MAPK6: variants seen among roughly 807,000 people sequenced by gnomAD.
MAPK6 encodes the protein mitogen-activated protein kinase 6.
MAPK6 carries 19 observed loss-of-function variants against 59.3 expected under a neutral mutation model. That is an observed-to-expected ratio of 0.32 (90% CI 0.22 to 0.47). MAPK6 has a LOEUF of 0.47. MAPK6 is among the 20% of genes least tolerant of loss of function. The pLI is 1.00. For missense variants in MAPK6, 724 were observed against 847.9 expected (o/e 0.85, Z 1.81); for synonymous variants, 316 against 290.3 (o/e 1.09, Z -0.90).
At chr15:52,003,440 C>G (rs1289386669) in intron 2 of MAPK6, among the ~76,000 whole-genome samples, 1 of 152,168 alleles carries the variant, frequency 6.6e-6, no homozygotes, top group Non-Finnish European at 1.5e-5. Context: ...CCAGAAAAGG[C>G]ACATCTTCTT....
chr15:52,049,707 C>T (rs8033840), intron 2 of MAPK6, among the ~76,000 whole-genome samples: 3,449 of 150,994 alleles, frequency 0.023, 90 homozygotes, highest in East Asian at 0.076. Flanking sequence ...CTCTACCTCC[C>T]GGGTTCGAGC....
chr15:52,048,497 A>C (rs1246843763), intron 2 of MAPK6, among the ~76,000 whole-genome samples: 1 of 152,098 alleles, frequency 6.6e-6, no homozygotes, highest in Non-Finnish European at 1.5e-5. Context: ...CATGTCTGTA[A>C]TTCCAGCTAC....
chr15:52,002,570 T>C (rs76216101), intron 2 of MAPK6, among the ~76,000 whole-genome samples: 10,380 of 152,066 alleles, frequency 0.068, 737 homozygotes, highest in East Asian at 0.39. Flanking sequence ...GGGCAGAGGG[T>C]GAAGTTGATC....
chr15:51,983,314 C>A (rs1595957379), exon 2 of MAPK6, among the ~76,000 whole-genome samples: 2 of 151,818 alleles, frequency 1.3e-5, no homozygotes, highest in East Asian at 3.9e-4. Context: ...TGGAGAAACC[C>A]CGTATGTACT....
intron 3 of MAPK6, among the ~76,000 whole-genome samples, chr15:52,012,987 GAAAAAAAAAAAAAAAAAAAA>G (rs869196156): frequency 4.1e-3 from 110 of 26,544 alleles, no homozygotes; most frequent in Admixed American, 5.3e-3. Context: ...ACTCCGCCTG[GAAAAAAAAAAAAAAAAAAAA>G]AAAAAAAAAA....
In MAPK6 at chr15:52,053,944, A is replaced by T. The variant is rs567189340; in HGVS notation, c.700+3807A>T. On this transcript the variant is annotated intron_variant, in intron 3 of 5. Coordinates refer to ENST00000261845, the MANE Select transcript of MAPK6 (RefSeq NM_002748.4). ...GAGCCACTATGCCAGGCCTGAAACA[A>T]GATTTTAATTCTGAAGTCCAGTTAC... Among the ~76,000 whole-genome samples the T allele has an allele frequency of 3.9e-5, 6 of 152,064 alleles. No individual in the cohort carries two copies. In the South Asian group the frequency reaches 1.0e-3, roughly 26 times the overall value.
chr15:51,994,563 A>T (rs964576291), intron 2 of MAPK6, among the ~76,000 whole-genome samples: 10 of 152,340 alleles, frequency 6.6e-5, no homozygotes, highest in South Asian at 2.1e-4. Context: ...GATTTTTTTT[A>T]AAACTGGAAG....
chr15:52,056,211 C>A (rs1224093582), intron 3 of MAPK6, among the ~76,000 whole-genome samples: 1 of 152,206 alleles, frequency 6.6e-6, no homozygotes, highest in African/African-American at 2.4e-5. Context: ...GTGTTCCTGT[C>A]CCAGGTTAAC....
intron 2 of MAPK6, among the ~76,000 whole-genome samples, chr15:51,985,981 C>G (rs1407783125): frequency 6.6e-6 from 1 of 151,260 alleles, no homozygotes; most frequent in Non-Finnish European, 1.5e-5. Flanking sequence ...AAAACAACGA[C>G]AAAAAAATTG....
chr15:52,048,490 G>C (rs1205019890), intron 2 of MAPK6, among the ~76,000 whole-genome samples: 1 of 152,122 alleles, frequency 6.6e-6, no homozygotes, highest in Non-Finnish European at 1.5e-5. Flanking sequence ...GGTGGTGCAT[G>C]TCTGTAATTC....
At chr15:52,062,759 C>T (rs892611634) in intron 5 of MAPK6, among the ~76,000 whole-genome samples, 16 of 152,022 alleles carry the variant, frequency 1.1e-4, no homozygotes, top group South Asian at 2.1e-4. Context: ...AGCAAGACTC[C>T]GTTTCAAATA....
In MAPK6 at chr15:52,046,710, C is replaced by A. The variant is rs1328852820; in HGVS notation, c.250C>A (p.Leu84Ile). 1.2e-6 allele frequency: 2 copies of A among 1,614,164 alleles called. No individual in the cohort carries two copies. Among genetic ancestry groups the A allele is most frequent in the South Asian group, 2.2e-5 (2 of 91,078 alleles). ...TAACATTGTGAAAGTGTTTGAGATTCTTGGTCCCAGTGGAAGCCAATTAAC... is the reference window on the plus strand; with the variant it reads ...TAACATTGTGAAAGTGTTTGAGATTATTGGTCCCAGTGGAAGCCAATTAAC... ...HDNIVKVFEI[L>I]GPSGSQLTDD... Residue 84 changes from leucine to isoleucine, a missense_variant, in exon 2 of 6, where the codon CTT becomes ATT. Physicochemically the swap from Leu to Ile is conservative, Grantham distance 5. Coordinates refer to ENST00000261845, the MANE Select transcript of MAPK6 (RefSeq NM_002748.4).
chr15:52,044,479 A>G (rs1019567818), intron 1 of MAPK6, among the ~76,000 whole-genome samples: 5 of 152,266 alleles, frequency 3.3e-5, no homozygotes, highest in South Asian at 2.1e-4. Context: ...ATATGTTTAT[A>G]TATTAAACGA....
At chr15:52,058,499 A>G (rs748388700) in intron 3 of MAPK6, 134 bp from the exon 4 acceptor site, 2 of 663,028 alleles carry the variant, frequency 3.0e-6, no homozygotes, top group African/African-American at 1.8e-5. Flanking sequence ...AGTCAAAGCA[A>G]TGAAACCTGC....
chr15:51,979,076 A>G (rs1343071504), intron 1 of MAPK6, among the ~76,000 whole-genome samples: 1 of 144,226 alleles, frequency 6.9e-6, no homozygotes, highest in Admixed American at 7.1e-5. Context: ...ATGCCACTGC[A>G]CCCCAGCCGG....
chr15:52,029,849 G>A (rs1016598304), intron 1 of MAPK6, among the ~76,000 whole-genome samples: 1 of 152,086 alleles, frequency 6.6e-6, no homozygotes, highest in African/African-American at 2.4e-5. Context: ...CTCTTAACTG[G>A]TCTTTGCTTT....
chr15:51,980,749 C>T (rs1448431337), intron 1 of MAPK6, among the ~76,000 whole-genome samples: 2 of 150,960 alleles, frequency 1.3e-5, no homozygotes, highest in African/African-American at 2.4e-5. Flanking sequence ...TACCACCACG[C>T]CCAGCTAAAT....
At chr15:52,026,253 C>G (rs1030829044) in intron 1 of MAPK6, among the ~76,000 whole-genome samples, 4 of 152,254 alleles carry the variant, frequency 2.6e-5, no homozygotes, top group East Asian at 1.9e-4. Flanking sequence ...TTCCAGGTAC[C>G]GAAACAGTGG....
intron 1 of MAPK6, chr15:52,033,870 C>T (rs1181468998): frequency 6.7e-6 from 1 of 149,330 alleles, no homozygotes; most frequent in African/African-American, 2.5e-5. Flanking sequence ...ATTCTATTGT[C>T]TTCTGTTTTT....
Sources: gnomAD v4.1 joint callset for allele counts (sites outside exome capture counted in the v4.1 genomes callset) on GRCh38, gnomAD v4.1.1 for gene constraint, MANE v1.5 for transcripts, NCBI Gene and HGNC (gene_info 2026-07-23, HGNC 2026-07-21) for gene names.